PIK3CA: variants seen among roughly 807,000 people sequenced by gnomAD.
PIK3CA encodes the protein phosphatidylinositol-4,5-bisphosphate 3-kinase catalytic subunit alpha, also known as phosphatidylinositol 4,5-bisphosphate 3-kinase catalytic subunit alpha isoform.
Under a neutral mutation model 138.2 loss-of-function variants are expected in PIK3CA, and 27 were observed. The ratio of observed to expected loss-of-function variants is 0.20; its 90% CI spans 0.14 to 0.27. The LOEUF (loss-of-function observed/expected upper bound fraction) is 0.27, where lower values mean the gene tolerates loss of function less well. Ranked by LOEUF, PIK3CA falls within the 10% of genes least tolerant of loss-of-function variation. The pLI, the probability that PIK3CA is intolerant of heterozygous loss-of-function variation, is 1.00. For synonymous variants in PIK3CA, 358 were observed against 413.2 expected (o/e 0.87, Z 1.62); for missense variants, 544 against 1,277.4 (o/e 0.43, Z 8.75).
At chr3:179,148,313 T>C (rs1458753580), upstream of PIK3CA, 2 of 144,382 alleles carry the variant, frequency 1.4e-5, no homozygotes, top group Non-Finnish European at 3.0e-5. Flanking sequence ...CGGGGGCGTG[T>C]GGCGGGGGCT....
chr3:179,204,822 C>T (rs189733106), intron 6 of PIK3CA, among the ~76,000 whole-genome samples: 20 of 151,246 alleles, frequency 1.3e-4, no homozygotes, highest in African/African-American at 4.1e-4. Context: ...AGTTTGAGAC[C>T]AGTCTGGCCA....
chr3:179,201,563 T>C (rs564554474), intron 4 of PIK3CA, 23 bp downstream of exon 4: 2 of 1,462,910 alleles, frequency 1.4e-6, no homozygotes, highest in Non-Finnish European at 1.9e-6. Context: ...TTTCAAAATA[T>C]TAATTTTTAA....
At chr3:179,157,420 A>G (rs1157724147) in intron 1 of PIK3CA, among the ~76,000 whole-genome samples, 1 of 152,150 alleles carries the variant, frequency 6.6e-6, no homozygotes, top group Non-Finnish European at 1.5e-5. Flanking sequence ...AAATATTAGT[A>G]ATTTTACAGT....
chr3:179,153,420 C>T (rs1048682588), intron 1 of PIK3CA, among the ~76,000 whole-genome samples: 7 of 152,028 alleles, frequency 4.6e-5, no homozygotes, highest in East Asian at 1.9e-4. Flanking sequence ...TGCCAACATA[C>T]GGCCATAAGT....
chr3:179,225,410 G>A (rs899574815), intron 16 of PIK3CA, among the ~76,000 whole-genome samples: 4 of 152,068 alleles, frequency 2.6e-5, no homozygotes, highest in African/African-American at 9.7e-5. Context: ...AGTGAAGGAG[G>A]ATCATGGATG....
At chr3:179,224,601 A>C (rs1007949665) in intron 15 of PIK3CA, 99 bp from the exon 16 acceptor site, 1 of 707,230 alleles carries the variant, frequency 1.4e-6, no homozygotes, top group African/African-American at 1.8e-5. Flanking sequence ...TCTTTGTAAC[A>C]CTTCAAAAAG....
intron 1 of PIK3CA, among the ~76,000 whole-genome samples, chr3:179,192,215 T>C (rs1724153623): frequency 6.6e-6 from 1 of 152,208 alleles, no homozygotes; most frequent in Non-Finnish European, 1.5e-5. Flanking sequence ...GATGGTAAAC[T>C]ATCTTGCCTG....
chr3:179,171,522 G>A (rs1275794913), intron 1 of PIK3CA, among the ~76,000 whole-genome samples: 1 of 151,890 alleles, frequency 6.6e-6, no homozygotes, highest in East Asian at 1.9e-4. Context: ...GAACAAGAAG[G>A]GATGTAAATT....
chr3:179,204,731 C>G (rs900436177), intron 6 of PIK3CA, 143 bp downstream of exon 6: 12 of 488,404 alleles, frequency 2.5e-5, no homozygotes, highest in Non-Finnish European at 3.8e-5. Context: ...TAAAAATTAG[C>G]TAGGCACTGG....
intron 1 of PIK3CA, among the ~76,000 whole-genome samples, chr3:179,153,351 G>C (rs901198212): frequency 5.9e-5 from 9 of 152,068 alleles, no homozygotes; most frequent in Non-Finnish European, 1.2e-4. Context: ...ATACAGGTTG[G>C]ACATCCCTAA....
At chr3:179,160,637 C>A (rs1723253260) in intron 1 of PIK3CA, among the ~76,000 whole-genome samples, 1 of 152,136 alleles carries the variant, frequency 6.6e-6, no homozygotes, top group Non-Finnish European at 1.5e-5. Flanking sequence ...CACATGTAAG[C>A]CTTCACCCTT....
intron 6 of PIK3CA, among the ~76,000 whole-genome samples, chr3:179,208,427 A>C (rs1339215088): frequency 6.6e-6 from 1 of 152,164 alleles, no homozygotes; most frequent in African/African-American, 2.4e-5. Flanking sequence ...TATCTCATTT[A>C]ATTTTATGAG....
At chr3:179,212,789 A>G (rs1216233061) in intron 9 of PIK3CA, among the ~76,000 whole-genome samples, 10 of 152,192 alleles carry the variant, frequency 6.6e-5, no homozygotes, top group African/African-American at 1.2e-4. Context: ...ACAGTACTGT[A>G]AATGAATTTT....
intron 14 of PIK3CA, 146 bp downstream of exon 14, chr3:179,221,303 G>T (rs66702842): frequency 0.036 from 20,734 of 578,470 alleles, 471 homozygotes; most frequent in Non-Finnish European, 0.048. Context: ...CAGCTGTGTA[G>T]TGTTAGACAC....
chr3:179,188,022 C>T (rs1298520425), intron 1 of PIK3CA, among the ~76,000 whole-genome samples: 1 of 152,166 alleles, frequency 6.6e-6, no homozygotes, highest in Non-Finnish European at 1.5e-5. Flanking sequence ...TCAAATGAGC[C>T]TACAAAGAAG....
At chr3:179,210,589 T>TATA in intron 9 of PIK3CA, 24 bp downstream of exon 9, 2 of 1,607,688 alleles carry the variant, frequency 1.2e-6, no homozygotes, top group African/African-American at 2.7e-5. Flanking sequence ...CTGAGTTTAT[T>TATA]AAGTATCAAT....
chr3:179,238,100 A>G lies in PIK3CA; in HGVS notation c.*3736A>G, dbSNP rs936861561. On this transcript the variant is annotated 3_prime_UTR_variant, in exon 21 of 21. Coordinates refer to ENST00000263967, the MANE Select transcript of PIK3CA (RefSeq NM_006218.4). ...GAACAGGGAGGAGTTGTTTGAATGAATTACATTCTTTATATCCATCCTGCT... is the reference window on the plus strand; with the variant it reads ...GAACAGGGAGGAGTTGTTTGAATGAGTTACATTCTTTATATCCATCCTGCT... The G allele has an allele frequency of 1.1e-4, 25 of 225,660 alleles. No individual in the cohort carries two copies. Among genetic ancestry groups the G allele is most frequent in the Admixed American group, 8.6e-4 (15 of 17,486 alleles). 14.0% of individuals were successfully genotyped at this position (225,660 alleles called of 1,614,324 possible).
chr3:179,238,429 G>A lies in PIK3CA; in HGVS notation c.*4065G>A, dbSNP rs1305807565. ...TTTTACTGTATGAAAAGATCATGGG[G>A]TTTAGCTCAAAATATCTGTGGTCCT... On this transcript the variant is annotated 3_prime_UTR_variant, in exon 21 of 21. Transcript: ENST00000263967. The A allele has an allele frequency of 4.5e-6, 1 of 220,396 alleles. No individual in the cohort carries two copies. Among genetic ancestry groups the A allele is most frequent in the Non-Finnish European group, 9.1e-6 (1 of 110,002 alleles). 13.7% of individuals were successfully genotyped at this position (220,396 alleles called of 1,614,324 possible).
intron 1 of PIK3CA, among the ~76,000 whole-genome samples, chr3:179,182,489 G>A (rs914976065): frequency 3.9e-5 from 6 of 151,918 alleles, no homozygotes; most frequent in African/African-American, 7.3e-5. Context: ...GCAACATGGC[G>A]AGACCCCATC....
Sources: gnomAD v4.1 joint callset for allele counts (sites outside exome capture counted in the v4.1 genomes callset) on GRCh38, gnomAD v4.1.1 for gene constraint, MANE v1.5 for transcripts, NCBI Gene and HGNC (gene_info 2026-07-23, HGNC 2026-07-21) for gene names.